Variants in UHMK1 observed in about 807,000 individuals in gnomAD.
UHMK1 encodes the protein serine/threonine-protein kinase Kist.
UHMK1 carries 18 observed loss-of-function variants against 44.0 expected under a neutral mutation model. The ratio of observed to expected loss-of-function variants is 0.41; its 90% CI spans 0.28 to 0.61. UHMK1 has a LOEUF of 0.61. UHMK1 is among the 20% of genes least tolerant of loss of function. UHMK1 has a pLI of 0.31. For synonymous variants in UHMK1, 231 were observed against 198.5 expected (o/e 1.16, Z -1.38); for missense variants, 463 against 522.5 (o/e 0.89, Z 1.11).
intron 3 of UHMK1, among the ~76,000 whole-genome samples, chr1:162,502,200 C>G (rs1651296271): frequency 1.3e-5 from 2 of 152,062 alleles, no homozygotes; most frequent in South Asian, 4.2e-4. Context: ...ATAAAAAGTT[C>G]ATTCAAATAT....
chr1:162,515,927 G>A (rs1447546160), intron 6 of UHMK1, among the ~76,000 whole-genome samples: 1 of 151,942 alleles, frequency 6.6e-6, no homozygotes, highest in Non-Finnish European at 1.5e-5. Context: ...CCAGCTACTC[G>A]GGAGGCTGAG....
rs112612266 is a variant in UHMK1 at position 162,511,631 on chromosome 1, T to C, written c.849-869T>C. ...AATCCCATTTGTCTGTTTTTGTTTT[T>C]GTTGCTTGTGCTGTTGAAGTTATAT... On this transcript the variant is annotated intron_variant, in intron 4 of 7. Transcript: ENST00000489294. Among the ~76,000 whole-genome samples, 285 of 152,350 alleles carry C rather than the reference T, an allele frequency of 1.9e-3. 1 individual carries two copies. Among genetic ancestry groups the C allele is most frequent in the Non-Finnish European group, 3.4e-3 (233 of 68,030 alleles).
chr1:162,517,972 C>G (rs1344787734), intron 6 of UHMK1, 130 bp from the exon 7 acceptor site: 1 of 593,802 alleles, frequency 1.7e-6, no homozygotes, highest in African/African-American at 1.9e-5. Context: ...TGAATGTCAA[C>G]TATTCAAGAC....
chr1:162,498,535 C>G (rs1200054121), intron 1 of UHMK1, among the ~76,000 whole-genome samples: 2 of 152,222 alleles, frequency 1.3e-5, no homozygotes, highest in African/African-American at 4.8e-5. Context: ...CATTCATTAG[C>G]ATACAGAAAT....
In UHMK1 at chr1:162,512,485, A is replaced by G. The variant is rs767982991; in HGVS notation, c.849-15A>G. On this transcript the variant is annotated splice_polypyrimidine_tract_variant and intron_variant, in intron 4 of 7. Transcript: ENST00000489294. ...ATTCAGCAGAAATGATAAGGCACCTATTTTTGTGTTTTAGCATGCTTCATG... is the reference window on the plus strand; with the variant it reads ...ATTCAGCAGAAATGATAAGGCACCTGTTTTTGTGTTTTAGCATGCTTCATG... 1.6e-5 allele frequency: 26 copies of G among 1,592,616 alleles called. No individual in the cohort carries two copies. Among genetic ancestry groups the G allele is most frequent in the South Asian group, 1.6e-4 (14 of 86,456 alleles).
Position 162,524,633 on chromosome 1 carries a change from C to T in UHMK1, c.*2083C>T, listed in dbSNP as rs1652180722. ...TAAGTTAGCACATTTACTTTTCTCT[C>T]CCCTCCGCCCCCAAAAGAAAAATCC... On this transcript the variant is annotated 3_prime_UTR_variant, in exon 8 of 8. Transcript: ENST00000489294. 6.6e-6 allele frequency: 1 copy of T among 152,160 alleles called. No homozygotes were observed. Among genetic ancestry groups the T allele is most frequent in the African/African-American group, 2.4e-5 (1 of 41,448 alleles). The allele number at this position is 152,160 out of a possible 1,614,324, so 9.4% of individuals were successfully genotyped here.
chr1:162,503,764 C>T lies in UHMK1; in HGVS notation c.764C>T (p.Ser255Phe). Reference protein sequence around the residue: ...VRSQEWKANSSAIIDHIFASK... With the variant: ...VRSQEWKANSFAIIDHIFASK... ...TCTCCGTTTTTTAAGGCAAACAGTT[C>T]TGCTATTATTGATCACATATTTGCC... Residue 255 changes from serine to phenylalanine, a missense_variant, in exon 4 of 8, where the codon TCT becomes TTT. Transcript: ENST00000489294. 6.2e-7 allele frequency: 1 copy of T among 1,613,818 alleles called. No individual in the cohort carries two copies. The highest frequency in any genetic ancestry group is 8.5e-7 in the Non-Finnish European group (1 of 1,179,876).
intron 6 of UHMK1, among the ~76,000 whole-genome samples, chr1:162,516,416 T>C (rs1386688999): frequency 6.6e-6 from 1 of 151,928 alleles, no homozygotes; most frequent in Non-Finnish European, 1.5e-5. Flanking sequence ...ATTAAAATAC[T>C]AAAACAAGGG....
Position 162,500,990 on chromosome 1 carries a change from G to A in UHMK1, c.639G>A (p.Leu213=). 6.2e-7 allele frequency: 1 copy of A among 1,614,068 alleles called. No homozygotes were observed. Residue 213 remains leucine, a synonymous_variant, in exon 3 of 8, where the codon CTG becomes CTA. Coordinates refer to ENST00000489294, the MANE Select transcript of UHMK1 (RefSeq NM_175866.5). ...AAAATTGCTTGGCCCAGGCTGGCCT[G>A]CAGAGTGATACAGAATGTACCTCAG... ...ELQNCLAQAG[L]QSDTECTSAV...
chr1:162,504,742 T>C (rs1651407470), intron 4 of UHMK1, among the ~76,000 whole-genome samples: 1 of 152,152 alleles, frequency 6.6e-6, no homozygotes, highest in South Asian at 2.1e-4. Flanking sequence ...GGGTAAACAC[T>C]GTATACTTTG....
intron 3 of UHMK1, among the ~76,000 whole-genome samples, chr1:162,502,373 A>G (rs542649235): frequency 1.1e-4 from 17 of 152,314 alleles, no homozygotes; most frequent in African/African-American, 3.4e-4. Context: ...TGGAAGGGAT[A>G]TTTTAATAGC....
In UHMK1 at chr1:162,523,479, A is replaced by T. The variant is rs1652133488; in HGVS notation, c.*929A>T. 6.6e-6 allele frequency: 1 copy of T among 152,660 alleles called. No individual in the cohort carries two copies. The highest frequency in any genetic ancestry group is 6.5e-5 in the Admixed American group (1 of 15,280). The allele number at this position is 152,660 out of a possible 1,614,324, so 9.5% of individuals were successfully genotyped here. ...TGGAACAAAGACTAAGTTGTGCCAG[A>T]TGTAAATCAACCCCTCTTTTAGTTT... On this transcript the variant is annotated 3_prime_UTR_variant, in exon 8 of 8. Transcript: ENST00000489294.
At chr1:162,504,443 T>G (rs1651396431) in intron 4 of UHMK1, among the ~76,000 whole-genome samples, 1 of 152,232 alleles carries the variant, frequency 6.6e-6, no homozygotes, top group South Asian at 2.1e-4. Flanking sequence ...GATACAGACT[T>G]CTGCCCACAC....
At position 162,503,813 on chromosome 1, in the gene UHMK1, A is replaced by C; in HGVS notation, c.813A>C (p.Ala271=). 1 of 1,614,166 alleles carries C rather than the reference A, an allele frequency of 6.2e-7. No homozygotes were observed. Among genetic ancestry groups the C allele is most frequent in the Non-Finnish European group, 8.5e-7 (1 of 1,180,020 alleles). The change falls in exon 4 of 8, where the codon GCA becomes GCC. Residue 271 remains alanine, a synonymous_variant. Transcript: ENST00000489294. ...IFASKAVVNA[A]IPAYHLRDLI... is the part of the protein sequence containing the mutation. ...CCAGTAAAGCAGTGGTGAATGCCGCAATTCCAGCCTATCACCTAAGAGACC... is the reference window on the plus strand; with the variant it reads ...CCAGTAAAGCAGTGGTGAATGCCGCCATTCCAGCCTATCACCTAAGAGACC...
chr1:162,518,006 A>G, intron 6 of UHMK1, 96 bp from the exon 7 acceptor site: 1 of 763,840 alleles, frequency 1.3e-6, no homozygotes, highest in Non-Finnish European at 2.2e-6. Flanking sequence ...ATTACTAGTT[A>G]TGTATTCCTG....
chr1:162,519,748 A>G (rs895081291), intron 7 of UHMK1, among the ~76,000 whole-genome samples: 6 of 152,106 alleles, frequency 3.9e-5, no homozygotes, highest in Admixed American at 3.9e-4. Context: ...ATTGAGCCTG[A>G]TAATTCTTTT....
upstream of UHMK1, chr1:162,497,431 A>C: frequency 1.8e-6 from 1 of 547,374 alleles, no homozygotes. Context: ...TTTACATCTA[A>C]AAGAAGAACA....
Position 162,522,653 on chromosome 1 carries a change from A to G in UHMK1, c.*103A>G, listed in dbSNP as rs944215971. On this transcript the variant is annotated 3_prime_UTR_variant, in exon 8 of 8. Transcript: ENST00000489294. The stretch of plus-strand genomic sequence containing the variant: ...CCTTACCATTTTAAGAAGGTACTTT[A>G]TACATTTATTTAATCCTACTAATGT... The G allele has an allele frequency of 8.5e-6, 11 of 1,291,954 alleles. No individual in the cohort carries two copies. In the Admixed American group the frequency reaches 1.0e-4, roughly 12 times the overall value. The allele number at this position is 1,291,954 out of a possible 1,614,324, so 80.0% of individuals were successfully genotyped here.
In UHMK1 at chr1:162,528,713, G is replaced by A. The variant is rs1209348236; in HGVS notation, c.*6163G>A. 6.6e-6 allele frequency: 1 copy of A among 152,096 alleles called. No individual in the cohort carries two copies. The highest frequency in any genetic ancestry group is 1.5e-5 in the Non-Finnish European group (1 of 67,972). The allele number at this position is 152,096 out of a possible 1,614,324, so 9.4% of individuals were successfully genotyped here. Reference sequence around the variant, plus strand: ...ATCTCTGTAGATTATTTACTTTGCAGACTGTAAAGCTGCCCTATCTTTTCC... The same window carrying A: ...ATCTCTGTAGATTATTTACTTTGCAAACTGTAAAGCTGCCCTATCTTTTCC... On this transcript the variant is annotated 3_prime_UTR_variant, in exon 8 of 8. Transcript: ENST00000489294.
Sources: gnomAD v4.1 joint callset for allele counts (sites outside exome capture counted in the v4.1 genomes callset) on GRCh38, gnomAD v4.1.1 for gene constraint, MANE v1.5 for transcripts, NCBI Gene and HGNC (gene_info 2026-07-23, HGNC 2026-07-21) for gene names.